The following CPXM1 variants were observed in gnomAD, a reference collection of about 807,000 sequenced individuals.
CPXM1 encodes probable carboxypeptidase X1.
Under a neutral mutation model 80.4 loss-of-function variants are expected in CPXM1, and 72 were observed. The ratio of observed to expected loss-of-function variants is 0.90; its 90% CI spans 0.74 to 1.09. The LOEUF (loss-of-function observed/expected upper bound fraction) is 1.09, where lower values mean the gene tolerates loss of function less well. CPXM1 is among the 50% of genes least tolerant of loss of function. The pLI is 0.00. For missense variants in CPXM1, 892 were observed against 999.4 expected (o/e 0.89, Z 1.45); for synonymous variants, 403 against 405.6 (o/e 0.99, Z 0.08).
In CPXM1 at chr20:2,795,948, C is replaced by A. The variant is rs549828285; in HGVS notation, c.1422+34G>T. 5.6e-6 allele frequency: 9 copies of A among 1,599,512 alleles called. No individual in the cohort carries two copies. The highest frequency in any genetic ancestry group is 1.3e-5 in the African/African-American group (1 of 74,746). On this transcript the variant is annotated intron_variant, in intron 10 of 13. Transcript: ENST00000380605. This position sits in a 1 kb window ranked among gnomAD's most constrained non-coding sequence, Gnocchi z 5.4. ...GGAGACAGAGACAAGGTCCGCCCCC[C>A]ACAGACCTCCACTGCCGCCCTCAAA...
chr20:2,800,106 G>A (rs1335831969), intron 1 of CPXM1, among the ~76,000 whole-genome samples: 1 of 148,742 alleles, frequency 6.7e-6, no homozygotes, highest in Non-Finnish European at 1.5e-5. Flanking sequence ...TGCACTGTGA[G>A]TGTGAGTGTG....
At position 2,795,688 on chromosome 20, in the gene CPXM1, T is replaced by C. The variant is rs201409887; in HGVS notation, c.1631A>G (p.Gln544Arg). Reference protein sequence around the residue: ...TVYAGSNLAMQDTSRRPCHSQ... With the variant: ...TVYAGSNLAMRDTSRRPCHSQ... ...GTGGCAGGGTCGGCGGCTGGTGTCCTGCATGGCCAGATTACTGCCAGCATA... is the reference window on the plus strand; with the variant it reads ...GTGGCAGGGTCGGCGGCTGGTGTCCCGCATGGCCAGATTACTGCCAGCATA... Residue 544 changes from glutamine to arginine, a missense_variant, in exon 11 of 14, where the codon CAG becomes CGG. By Grantham distance (43) the Gln-to-Arg change is conservative. Transcript: ENST00000380605. The surrounding 1 kb of genome is among the most constrained non-coding windows in gnomAD (Gnocchi z 5.4). 250 of 1,613,990 alleles carry C rather than the reference T, an allele frequency of 1.5e-4. No individual in the cohort carries two copies. Among genetic ancestry groups the C allele is most frequent in the Non-Finnish European group, 1.3e-4 (159 of 1,180,016 alleles).
At chr20:2,799,028 T>C in intron 1 of CPXM1, 135 bp from the exon 2 acceptor site, 1 of 864,570 alleles carries the variant, frequency 1.2e-6, no homozygotes, top group Non-Finnish European at 1.8e-6. Flanking sequence ...TCACAGGACA[T>C]CAAAGGCCTG....
chr20:2,796,610 C>G lies in CPXM1; in HGVS notation c.962G>C (p.Arg321Pro). Residue 321 changes from arginine (R) to proline (P), a missense_variant, in exon 8 of 14, where the codon CGC becomes CCC. Physicochemically the swap from Arg to Pro is moderately radical, Grantham distance 103. Transcript: ENST00000380605. The surrounding 1 kb of genome is among the most constrained non-coding windows in gnomAD (Gnocchi z 6.8). ...QVQEQCPNITRIYSIGKSYQG... is the reference protein window; with the variant it reads ...QVQEQCPNITPIYSIGKSYQG... ...GTAGCTCTTCCCAATGCTGTAGATG[C>G]GGGTGATGTTGGGGCATTGCTCTTG... The G allele has an allele frequency of 6.2e-7, 1 of 1,614,164 alleles. No homozygotes were observed. Among genetic ancestry groups the G allele is most frequent in the Non-Finnish European group, 8.5e-7 (1 of 1,180,010 alleles).
At position 2,794,789 on chromosome 20, in the gene CPXM1, A is replaced by C. The variant is rs912986885; in HGVS notation, c.1861-150T>G. 4.0e-5 allele frequency: 25 copies of C among 617,388 alleles called. No homozygotes were observed. The highest frequency in any genetic ancestry group is 7.2e-5 in the Non-Finnish European group (25 of 349,636). 38.2% of individuals were successfully genotyped at this position (617,388 alleles called of 1,614,324 possible). ...ACACTACTTCTGGAAGAAAAAAAAA[A>C]AAGAAATCCTGATTGACAAATCACA... On this transcript the variant is annotated intron_variant, in intron 12 of 13. Transcript: ENST00000380605. The surrounding 1 kb of genome is among the most constrained non-coding windows in gnomAD (Gnocchi z 5.2).
intron 1 of CPXM1, among the ~76,000 whole-genome samples, chr20:2,800,121 C>T (rs900423421): frequency 1.7e-5 from 2 of 114,380 alleles, no homozygotes; most frequent in African/African-American, 3.3e-5. Context: ...AGTGTGCGCG[C>T]GCGTGCACTG....
chr20:2,797,061 G>T lies in CPXM1; in HGVS notation c.866C>A (p.Ser289Ter). 5 of 1,614,060 alleles carry T rather than the reference G, an allele frequency of 3.1e-6. No individual in the cohort carries two copies. Among genetic ancestry groups the T allele is most frequent in the Non-Finnish European group, 4.2e-6 (5 of 1,179,978 alleles). The change falls in exon 7 of 14, where the codon TCG becomes TAG. Residue 289 changes from serine (S) to a stop codon, truncating the protein, a stop_gained. Coordinates refer to ENST00000380605, the MANE Select transcript of CPXM1 (RefSeq NM_019609.5). LOFTEE classifies it high-confidence loss of function. ...PNDLFLEAPA[S>*]GSSDPLDFQH... The stretch of plus-strand genomic sequence containing the variant: ...AAAGTCTAGAGGGTCAGAGGATCCC[G>T]ACGCAGGGGCCTCAAGGAATAGGTC...
Position 2,795,494 on chromosome 20 carries a change from G to C in CPXM1, c.1721-78C>G. On this transcript the variant is annotated intron_variant, in intron 11 of 13. Transcript: ENST00000380605. This position sits in a 1 kb window ranked among gnomAD's most constrained non-coding sequence, Gnocchi z 5.4. ...TCCCGCTACCCTCCCTTCTCTGAGGGACACTTCAGAGTGGGAACAGACGCC... is the reference window on the plus strand; with the variant it reads ...TCCCGCTACCCTCCCTTCTCTGAGGCACACTTCAGAGTGGGAACAGACGCC... The C allele has an allele frequency of 6.3e-7, 1 of 1,587,080 alleles. No individual in the cohort carries two copies. Among genetic ancestry groups the C allele is most frequent in the Non-Finnish European group, 8.6e-7 (1 of 1,162,122 alleles).
Position 2,796,258 on chromosome 20 carries a change from C to A in CPXM1, c.1231G>T (p.Ala411Ser). Residue 411 changes from alanine to serine, a missense_variant, in exon 9 of 14, where the codon GCC becomes TCC. By Grantham distance (99) the Ala-to-Ser change is moderately conservative (BLOSUM62 1). This residue lies in a region of CPXM1 where 874 missense variants were observed against 958.4 expected (regional missense o/e 0.91). Transcript: ENST00000380605. This position sits in a 1 kb window ranked among gnomAD's most constrained non-coding sequence, Gnocchi z 6.8. ...PSMNPDGYEI[A>S]YHRGSELVGW... ...GCTGGGTGGCCTACCCGGTGGTAGG[C>A]GATCTCATAGCCATCAGGGTTCATG... 6.2e-7 allele frequency: 1 copy of A among 1,613,368 alleles called. No homozygotes were observed.
At chr20:2,798,658 C>T in intron 2 of CPXM1, 68 bp downstream of exon 2, 2 of 1,570,656 alleles carry the variant, frequency 1.3e-6, no homozygotes, top group Non-Finnish European at 1.7e-6. Context: ...GCCCATGAGG[C>T]CAAGAGCTGT....
chr20:2,796,914 C>T lies in CPXM1; in HGVS notation c.921+92G>A. ...AGGAGGCAGCAGGGGCATACAAGCG[C>T]AGTCACAGCAGGTTGTGCCCCGGTG... On this transcript the variant is annotated intron_variant, in intron 7 of 13. Transcript: ENST00000380605. The surrounding 1 kb of genome is among the most constrained non-coding windows in gnomAD (Gnocchi z 6.8). The T allele has an allele frequency of 8.2e-7, 1 of 1,214,354 alleles. No homozygotes were observed. The highest frequency in any genetic ancestry group is 1.3e-5 in the South Asian group (1 of 78,820). 75.2% of individuals were successfully genotyped at this position (1,214,354 alleles called of 1,614,324 possible).
Position 2,794,703 on chromosome 20 carries a change from T to C in CPXM1, c.1861-64A>G. 1.5e-6 allele frequency: 2 copies of C among 1,358,992 alleles called. No homozygotes were observed. The highest frequency in any genetic ancestry group is 2.3e-5 in the South Asian group (2 of 85,218). 84.2% of individuals were successfully genotyped at this position (1,358,992 alleles called of 1,614,324 possible). A position where few individuals can be genotyped will look rare whatever the true frequency, so the allele number is the denominator to read the frequency against. On this transcript the variant is annotated intron_variant, in intron 12 of 13. Coordinates refer to ENST00000380605, the MANE Select transcript of CPXM1 (RefSeq NM_019609.5). This position sits in a 1 kb window ranked among gnomAD's most constrained non-coding sequence, Gnocchi z 5.2. ...CAGGATAATGTGCTGTTTAGCTAACTTGCTGGCTCTGTTGCCCTGCAAACC... is the reference window on the plus strand; with the variant it reads ...CAGGATAATGTGCTGTTTAGCTAACCTGCTGGCTCTGTTGCCCTGCAAACC...
rs770503107 is a variant in CPXM1, at chr20:2,798,012, G to T, written c.637C>A (p.Arg213=). Residue 213 remains arginine, a synonymous_variant, in exon 5 of 14, where the codon CGG becomes AGG. Transcript: ENST00000380605. ...SYKVQFSNDS[R]TWWGSRNHSS... is the part of the protein sequence containing the mutation. ...TGGTTCCTACTTCCCCACCAGGTCC[G>T]ACTGTCATTGCTGAACTGGACCTTG... 1 of 1,614,018 alleles carries T rather than the reference G, an allele frequency of 6.2e-7. No homozygotes were observed. The highest frequency in any genetic ancestry group is 2.2e-5 in the East Asian group (1 of 44,884).
intron 3 of CPXM1, 36 bp downstream of exon 3, chr20:2,798,392 A>AC: frequency 6.2e-7 from 1 of 1,603,946 alleles, no homozygotes; most frequent in Non-Finnish European, 8.5e-7. Flanking sequence ...TGCCTTCCCT[A>AC]CCCTGAGACC....
rs1358951400 is a variant in CPXM1 at position 2,800,280 on chromosome 20, G to T, written c.172+121C>A. The T allele has an allele frequency of 5.4e-5, 48 of 893,354 alleles. No homozygotes were observed. The Admixed American group carries it at 1.8e-3, about 34-fold the overall frequency. The allele number at this position is 893,354 out of a possible 1,614,324, so 55.3% of individuals were successfully genotyped here. A position where few individuals can be genotyped will look rare whatever the true frequency, so the allele number is the denominator to read the frequency against. ...GCGAGTGTGCGTGCGGGGTGAGTGT[G>T]CATGACTGTGAGTGTGCGTGGGTGT... On this transcript the variant is annotated intron_variant, in intron 1 of 13. Transcript: ENST00000380605.
rs2088478725 is a variant in CPXM1, at chr20:2,794,075, A to G, written c.*115T>C. 1.4e-6 allele frequency: 2 copies of G among 1,414,272 alleles called. No homozygotes were observed. Among genetic ancestry groups the G allele is most frequent in the Non-Finnish European group, 1.9e-6 (2 of 1,050,050 alleles). 87.6% of individuals were successfully genotyped at this position (1,414,272 alleles called of 1,614,324 possible). A position where few individuals can be genotyped will look rare whatever the true frequency, so the allele number is the denominator to read the frequency against. On this transcript the variant is annotated 3_prime_UTR_variant, in exon 14 of 14. Transcript: ENST00000380605. The surrounding 1 kb of genome is among the most constrained non-coding windows in gnomAD (Gnocchi z 5.2). ...CACAGAGACAACACGAAGATGAGCTAAGGTGCCCGGTAGCTTTAATGAGCA... is the reference window on the plus strand; with the variant it reads ...CACAGAGACAACACGAAGATGAGCTGAGGTGCCCGGTAGCTTTAATGAGCA...
rs1033994266 is a variant in CPXM1, at chr20:2,800,439, T to C, written c.134A>G (p.His45Arg). ...TKVPGSTPAL[H>R]SSPAQPPAET... ...CGCCGGCGGCTGTGCCGGGCTGCTA[T>C]GCAGGGCCGGGGTCGAGCCTGGGAC... Residue 45 changes from histidine (H) to arginine (R), a missense_variant, in exon 1 of 14, where the codon CAT becomes CGT. Physicochemically the swap from His to Arg is conservative, Grantham distance 29 (BLOSUM62 0). This residue lies in a region of CPXM1 where 874 missense variants were observed against 958.4 expected (regional missense o/e 0.91). Transcript: ENST00000380605. The C allele has an allele frequency of 3.8e-5, 58 of 1,519,226 alleles. No individual in the cohort carries two copies. The highest frequency in any genetic ancestry group is 5.1e-5 in the Non-Finnish European group (58 of 1,141,364). 94.1% of individuals were successfully genotyped at this position (1,519,226 alleles called of 1,614,324 possible). A position where few individuals can be genotyped will look rare whatever the true frequency, so the allele number is the denominator to read the frequency against.
At chr20:2,797,664 C>T (rs979161015) in intron 5 of CPXM1, among the ~76,000 whole-genome samples, 2 of 152,160 alleles carry the variant, frequency 1.3e-5, no homozygotes, top group Non-Finnish European at 2.9e-5. Context: ...GAAGTCAGAA[C>T]CACGAGAAGG....
Position 2,795,214 on chromosome 20 carries a change from C to A in CPXM1, c.1860+63G>T, listed in dbSNP as rs1040563818. 1.3e-6 allele frequency: 2 copies of A among 1,575,680 alleles called. No individual in the cohort carries two copies. The highest frequency in any genetic ancestry group is 1.3e-5 in the African/African-American group (1 of 74,336). ...ACCTTAGAAGAACCCCTGGTAGGAG[C>A]TGTAGCCTAAATGGACAGCAGGAGT... On this transcript the variant is annotated intron_variant, in intron 12 of 13. Transcript: ENST00000380605. This position sits in a 1 kb window ranked among gnomAD's most constrained non-coding sequence, Gnocchi z 5.4.
Sources: allele counts gnomAD v4.1 joint callset (sites outside exome capture counted in the v4.1 genomes callset), GRCh38; gene constraint gnomAD v4.1.1; regional missense constraint gnomAD v4.1.1; non-coding constraint Gnocchi (gnomAD v3.1); transcripts MANE v1.5; gene names NCBI Gene and HGNC (gene_info 2026-07-23, HGNC 2026-07-21).